The following ANGPTL1 variants were observed in gnomAD, a reference collection of about 807,000 sequenced individuals.
ANGPTL1 encodes the protein angiopoietin-related protein 1.
ANGPTL1 carries 36 observed loss-of-function variants against 46.7 expected under a neutral mutation model. The observed-to-expected ratio is 0.77, with a 90% confidence interval of 0.59 to 1.02. The LOEUF is 1.02. Among genes scored for constraint, ANGPTL1 ranks in the 50% least tolerant of loss-of-function variants. ANGPTL1 has a pLI of 0.00. For synonymous variants in ANGPTL1, 221 were observed against 204.3 expected, an observed-to-expected ratio of 1.08 and a Z score of -0.69; for missense variants, 571 against 594.7, an observed-to-expected ratio of 0.96 and a Z score of 0.41.
intron 2 of ANGPTL1, 117 bp downstream of exon 2, chr1:178,868,997 T>C (rs1658585151): frequency 6.6e-6 from 1 of 152,034 alleles, no homozygotes; most frequent in Non-Finnish European, 1.5e-5. Context: ...TTCTCACATA[T>C]GTTCAGTTTT....
chr1:178,868,427 AT>A (rs1658551925), intron 2 of ANGPTL1, among the ~76,000 whole-genome samples: 1 of 151,960 alleles, frequency 6.6e-6, no homozygotes, highest in Admixed American at 6.6e-5. Context: ...TCATAAAATT[AT>A]TTTACTTAAA....
intron 5 of ANGPTL1, 37 bp from the exon 6 acceptor site, chr1:178,851,353 T>C (rs775656498): frequency 6.3e-7 from 1 of 1,574,842 alleles, no homozygotes. Flanking sequence ...TGTAAAAGTT[T>C]CTTCTAGGTG....
intron 3 of ANGPTL1, among the ~76,000 whole-genome samples, chr1:178,862,685 A>G (rs1160999122): frequency 6.6e-6 from 1 of 151,938 alleles, no homozygotes; most frequent in Non-Finnish European, 1.5e-5. Flanking sequence ...GTAGGCAGAA[A>G]GCATGAAAAT....
At position 178,865,022 on chromosome 1, in the gene ANGPTL1, G is replaced by A. The variant is rs1421084686; in HGVS notation, c.755C>T (p.Pro252Leu). 1 of 1,485,194 alleles carries A rather than the reference G, an allele frequency of 6.7e-7. No individual in the cohort carries two copies. The highest frequency in any genetic ancestry group is 8.9e-7 in the Non-Finnish European group (1 of 1,118,108). 92.0% of individuals were successfully genotyped at this position (1,485,194 alleles called of 1,614,324 possible). A position where few individuals can be genotyped will look rare whatever the true frequency, so the allele number is the denominator to read the frequency against. ...GGTGGGAGAAGTTGCCAGATCAGGT[G>A]GTGGCATTAAATCTCTGGGATAACC... ...DPGYPRDLMP[P>L]PDLATSPTKS... The change falls in exon 3 of 6, where the codon CCA becomes CTA. Residue 252 changes from proline (P) to leucine (L), a missense_variant. Transcript: ENST00000234816.
chr1:178,865,716 A>C lies in ANGPTL1; in HGVS notation c.61T>G (p.Cys21Gly). The C allele has an allele frequency of 6.2e-7, 1 of 1,613,644 alleles. No homozygotes were observed. Among genetic ancestry groups the C allele is most frequent in the Non-Finnish European group, 8.5e-7 (1 of 1,179,918 alleles). ...TTAATTTTGAATTGTCCACCTCTGC[A>C]ATGTCCAGTGTCCACTAGTAGGAAG... ...LFFLLVDTGH[C>G]RGGQFKIKKI... is the part of the protein sequence containing the mutation. Residue 21 changes from cysteine to glycine, a missense_variant, in exon 3 of 6, where the codon TGC (cysteine) becomes GGC (glycine). Physicochemically the swap from Cys to Gly is radical, Grantham distance 159. Coordinates refer to ENST00000234816, the MANE Select transcript of ANGPTL1 (RefSeq NM_004673.4).
chr1:178,855,970 C>T (rs1657510692), intron 3 of ANGPTL1, among the ~76,000 whole-genome samples: 1 of 147,140 alleles, frequency 6.8e-6, no homozygotes, highest in African/African-American at 2.5e-5. Flanking sequence ...AATATAAGAA[C>T]AAAAAAGTAA....
At position 178,865,251 on chromosome 1, in the gene ANGPTL1, C is replaced by T; in HGVS notation, c.526G>A (p.Glu176Lys). Reference sequence around the variant, plus strand: ...TCAGTCAAGGAAGCGTATTTCACCTCTAGTTCCCTGTATCTTGTTGCCATC... The same window carrying T: ...TCAGTCAAGGAAGCGTATTTCACCTTTAGTTCCCTGTATCTTGTTGCCATC... ...LKMATRYREL[E>K]VKYASLTDLV... is the part of the protein sequence containing the mutation. The change falls in exon 3 of 6, where the codon GAG (glutamate) becomes AAG (lysine). Residue 176 changes from glutamate to lysine, a missense_variant. Coordinates refer to ENST00000234816, the MANE Select transcript of ANGPTL1 (RefSeq NM_004673.4). 1 of 1,614,134 alleles carries T rather than the reference C, an allele frequency of 6.2e-7. No homozygotes were observed.
At chr1:178,854,178 A>G (rs1657374722) in intron 3 of ANGPTL1, among the ~76,000 whole-genome samples, 1 of 152,142 alleles carries the variant, frequency 6.6e-6, no homozygotes. Flanking sequence ...TATTATAAAA[A>G]CACTGCACAA....
chr1:178,852,912 C>T lies in ANGPTL1; in HGVS notation c.1059G>A (p.Leu353=), dbSNP rs753324412. 3.0e-5 allele frequency: 48 copies of T among 1,613,322 alleles called. No homozygotes were observed. In the South Asian group the frequency reaches 5.1e-4, roughly 17 times the overall value. ...GNIDGEYWLG[L]ENIYMLSNQD... Reference sequence around the variant, plus strand: ...GATTGCTAAGCATATAGATATTTTCCAGTCCAAGCCAGTATTCTCCGTCAA... The same window carrying T: ...GATTGCTAAGCATATAGATATTTTCTAGTCCAAGCCAGTATTCTCCGTCAA... Residue 353 remains leucine, a synonymous_variant, in exon 5 of 6, where the codon CTG becomes CTA. Transcript: ENST00000234816.
Position 178,853,577 on chromosome 1 carries a change from C to G in ANGPTL1, c.1017+17G>C. The G allele has an allele frequency of 6.4e-7, 1 of 1,569,636 alleles. No homozygotes were observed. Reference sequence around the variant, plus strand: ...TGGATTTGTTTTACTTCCCTTAGGTCTGCATCACTGATTTACCTTATAATT... The same window carrying G: ...TGGATTTGTTTTACTTCCCTTAGGTGTGCATCACTGATTTACCTTATAATT... On this transcript the variant is annotated intron_variant, in intron 4 of 5. Coordinates refer to ENST00000234816, the MANE Select transcript of ANGPTL1 (RefSeq NM_004673.4).
chr1:178,863,939 G>T (rs771186665), intron 3 of ANGPTL1, among the ~76,000 whole-genome samples: 2 of 152,086 alleles, frequency 1.3e-5, no homozygotes, highest in Admixed American at 6.5e-5. Flanking sequence ...TTATTTCATA[G>T]TATATGTTTT....
chr1:178,865,489 C>T lies in ANGPTL1; in HGVS notation c.288G>A (p.Lys96=). 1 of 1,614,124 alleles carries T rather than the reference C, an allele frequency of 6.2e-7. No individual in the cohort carries two copies. Residue 96 remains lysine (K), a synonymous_variant, in exon 3 of 6, where the codon AAG becomes AAA. Coordinates refer to ENST00000234816, the MANE Select transcript of ANGPTL1 (RefSeq NM_004673.4). ...CCAGTTGCAGAACATCTATCTCCCG[C>T]TTCTGCCTGGAGAGCACATCCTTCA... The part of the protein sequence containing the change: ...ENLKDVLSRQ[K]REIDVLQLVV...
chr1:178,852,887 G>C lies in ANGPTL1; in HGVS notation c.1084C>G (p.Gln362Glu). 2 of 1,613,680 alleles carry C rather than the reference G, an allele frequency of 1.2e-6. No homozygotes were observed. Among genetic ancestry groups the C allele is most frequent in the Non-Finnish European group, 1.7e-6 (2 of 1,179,736 alleles). The change falls in exon 5 of 6, where the codon CAA becomes GAA. Residue 362 changes from glutamine (Q) to glutamate (E), a missense_variant. Coordinates refer to ENST00000234816, the MANE Select transcript of ANGPTL1 (RefSeq NM_004673.4). The stretch of plus-strand genomic sequence containing the variant: ...TCAATCAATAACTTGTAATTATCTT[G>C]ATTGCTAAGCATATAGATATTTTCC... ...GLENIYMLSN[Q>E]DNYKLLIELE...
intron 3 of ANGPTL1, among the ~76,000 whole-genome samples, chr1:178,859,779 G>C (rs1162961988): frequency 8.4e-5 from 9 of 106,836 alleles, no homozygotes; most frequent in Admixed American, 1.1e-4. Flanking sequence ...CTCACTGCAA[G>C]CTCTGCCTCC....
intron 3 of ANGPTL1, among the ~76,000 whole-genome samples, chr1:178,855,439 T>C (rs1007326842): frequency 6.6e-6 from 1 of 151,982 alleles, no homozygotes; most frequent in Non-Finnish European, 1.5e-5. Flanking sequence ...TCAGTTTCTC[T>C]AGTCCAAATG....
intron 3 of ANGPTL1, among the ~76,000 whole-genome samples, chr1:178,854,092 A>G (rs953007755): frequency 6.6e-6 from 1 of 152,092 alleles, no homozygotes; most frequent in African/African-American, 2.4e-5. Context: ...TCTCCATTCT[A>G]GCTGCATAAT....
At chr1:178,862,826 T>C (rs1025782842) in intron 3 of ANGPTL1, among the ~76,000 whole-genome samples, 1 of 152,112 alleles carries the variant, frequency 6.6e-6, no homozygotes, top group African/African-American at 2.4e-5. Context: ...ACTAAGCAAA[T>C]TGGACTTTTT....
At chr1:178,859,403 T>TC (rs200393236) in intron 3 of ANGPTL1, among the ~76,000 whole-genome samples, 1,302 of 118,738 alleles carry the variant, frequency 0.011, 21 homozygotes, top group African/African-American at 0.056. Context: ...AAGTTTAACT[T>TC]TTTTTTTTTT....
At chr1:178,866,384 T>A (rs933560978) in intron 2 of ANGPTL1, among the ~76,000 whole-genome samples, 3 of 152,162 alleles carry the variant, frequency 2.0e-5, no homozygotes, top group African/African-American at 7.2e-5. Context: ...TAAACCCAGA[T>A]AGTTTTAGCA....
Sources: allele counts gnomAD v4.1 joint callset (sites outside exome capture counted in the v4.1 genomes callset), GRCh38; gene constraint gnomAD v4.1.1; transcripts MANE v1.5; gene names NCBI Gene and HGNC (gene_info 2026-07-23, HGNC 2026-07-21).